Variants in PDE10A observed in about 807,000 individuals in gnomAD.
The protein encoded by PDE10A is phosphodiesterase 10A.
A neutral mutation model predicts 97.7 loss-of-function variants in PDE10A; 39 were observed. The observed-to-expected ratio is 0.40, with a 90% confidence interval of 0.31 to 0.52. The LOEUF is 0.52. Ranked by LOEUF, PDE10A falls within the 20% of genes least tolerant of loss-of-function variation. The pLI, the probability that PDE10A is intolerant of heterozygous loss-of-function variation, is 0.56. For synonymous variants in PDE10A, 371 were observed against 376.8 expected (o/e 0.98, Z 0.18); for missense variants, 731 against 1,047.8 (o/e 0.70, Z 4.17).
chr6:165,756,242 A>T (rs1793114564), intron 1 of PDE10A, among the ~76,000 whole-genome samples: 1 of 152,174 alleles, frequency 6.6e-6, no homozygotes, highest in Non-Finnish European at 1.5e-5. Flanking sequence ...GAGAAGATGG[A>T]GGTTTCCAGA....
rs147976630 is a variant in PDE10A, at chr6:165,857,321, T to C, written c.-615+130208A>G. Reference sequence around the variant, plus strand: ...ACTGGGACTTTCTTATAGCAAACCATGGCCTTTCAGCCACCTCTGCTGCCA... The same window carrying C: ...ACTGGGACTTTCTTATAGCAAACCACGGCCTTTCAGCCACCTCTGCTGCCA... On this transcript the variant is annotated intron_variant, in intron 1 of 19. Transcript: ENST00000366882. 7.2e-3 allele frequency among the ~76,000 whole-genome samples: 1,099 copies of C among 152,366 alleles called. 5 individuals carry two copies. Among genetic ancestry groups the C allele is most frequent in the African/African-American group, 0.025 (1,058 of 41,592 alleles).
chr6:165,531,062 T>C (rs1038647339), intron 2 of PDE10A, among the ~76,000 whole-genome samples: 1 of 151,940 alleles, frequency 6.6e-6, no homozygotes, highest in Non-Finnish European at 1.5e-5. Context: ...TCCTCTCCCT[T>C]CTATTTAATC....
At chr6:165,419,735 AACTTCAAC>A (rs1347906007) in intron 10 of PDE10A, among the ~76,000 whole-genome samples, 6 of 152,198 alleles carry the variant, frequency 3.9e-5, no homozygotes, top group Non-Finnish European at 7.3e-5. Context: ...GAATTCTGGT[AACTTCAAC>A]TATCCAGATC....
chr6:165,578,620 C>T (rs953036785), intron 1 of PDE10A, among the ~76,000 whole-genome samples: 3 of 151,450 alleles, frequency 2.0e-5, no homozygotes, highest in Middle Eastern at 3.4e-3. Flanking sequence ...AAAACCCACA[C>T]CTATACCTTA....
intron 18 of PDE10A, among the ~76,000 whole-genome samples, chr6:165,373,296 T>C (rs1372083292): frequency 6.6e-6 from 1 of 151,834 alleles, no homozygotes; most frequent in Non-Finnish European, 1.5e-5. Context: ...ACAGGCAACC[T>C]ACAAAATGGG....
At chr6:165,336,092 A>G (rs764450783) in intron 21 of PDE10A, 31 bp downstream of exon 21, 9 of 1,497,930 alleles carry the variant, frequency 6.0e-6, no homozygotes, top group Admixed American at 3.3e-5. Flanking sequence ...GTTGGAAACA[A>G]TATTTTTACG....
At chr6:165,689,541 T>C (rs1297119583) in intron 1 of PDE10A, among the ~76,000 whole-genome samples, 2 of 152,158 alleles carry the variant, frequency 1.3e-5, no homozygotes, top group East Asian at 3.9e-4. Flanking sequence ...TGGTGGTAAG[T>C]GAGTTCTCGT....
chr6:165,607,100 T>G (rs1378515472), intron 1 of PDE10A, among the ~76,000 whole-genome samples: 1 of 152,234 alleles, frequency 6.6e-6, no homozygotes, highest in Non-Finnish European at 1.5e-5. Flanking sequence ...AGAATACTTA[T>G]TTCACTTTTT....
intron 1 of PDE10A, among the ~76,000 whole-genome samples, chr6:165,893,698 A>G (rs1384687255): frequency 6.6e-6 from 1 of 152,180 alleles, no homozygotes; most frequent in Non-Finnish European, 1.5e-5. Context: ...ATATTCGTAT[A>G]TTCTCAAGTG....
intron 18 of PDE10A, among the ~76,000 whole-genome samples, chr6:165,375,721 C>T (rs1784566901): frequency 6.6e-6 from 1 of 152,194 alleles, no homozygotes; most frequent in Admixed American, 6.5e-5. Context: ...TGAGCTGACT[C>T]CTGTCAGGGG....
chr6:165,520,852 G>A (rs1407121601), intron 2 of PDE10A, among the ~76,000 whole-genome samples: 1 of 152,116 alleles, frequency 6.6e-6, no homozygotes, highest in Non-Finnish European at 1.5e-5. Flanking sequence ...ACAGACCAGT[G>A]AGAAAAGGAA....
chr6:165,415,983 T>C (rs924115713), intron 12 of PDE10A, among the ~76,000 whole-genome samples: 11 of 152,246 alleles, frequency 7.2e-5, no homozygotes, highest in Admixed American at 3.9e-4. Context: ...TATCTAGATA[T>C]CATGATACAT....
At chr6:165,928,147 A>G (rs1402078743) in intron 1 of PDE10A, among the ~76,000 whole-genome samples, 1 of 152,112 alleles carries the variant, frequency 6.6e-6, no homozygotes, top group East Asian at 1.9e-4. Context: ...TAAAGTAAGT[A>G]TGTTAAAGCC....
chr6:165,930,383 G>C (rs1268266503), intron 1 of PDE10A, among the ~76,000 whole-genome samples: 1 of 152,182 alleles, frequency 6.6e-6, no homozygotes, highest in Non-Finnish European at 1.5e-5. Context: ...CCAGCAGGCA[G>C]GAAGGAAACA....
Position 165,782,760 on chromosome 6 carries a change from C to T in PDE10A, c.-615+204769G>A, listed in dbSNP as rs183937166. Among the ~76,000 whole-genome samples, 51 of 152,310 alleles carry T rather than the reference C, an allele frequency of 3.3e-4. No individual in the cohort carries two copies. In the East Asian group the frequency reaches 8.1e-3, roughly 24 times the overall value. ...TCGTGTACCCAGGGACGTACTTACCCATCCAGCAGACAAGCCCTTGCAGAT... is the reference window on the plus strand; with the variant it reads ...TCGTGTACCCAGGGACGTACTTACCTATCCAGCAGACAAGCCCTTGCAGAT... On this transcript the variant is annotated intron_variant, in intron 1 of 19. Coordinates refer to the PDE10A transcript ENST00000366882.
chr6:165,447,977 C>A (rs565700840), intron 5 of PDE10A, among the ~76,000 whole-genome samples: 1 of 151,742 alleles, frequency 6.6e-6, no homozygotes, highest in Non-Finnish European at 1.5e-5. Flanking sequence ...CAACTATTTT[C>A]GCACTTTGCA....
chr6:165,644,009 G>C (rs1789268767), intron 1 of PDE10A, among the ~76,000 whole-genome samples: 1 of 152,152 alleles, frequency 6.6e-6, no homozygotes, highest in Admixed American at 6.5e-5. Flanking sequence ...AAGCTGAAAA[G>C]TACGACTGGC....
rs910884843 is a variant in PDE10A at position 165,629,727 on chromosome 6, T to C, written c.865+32220A>G. ...TTTTGTATTTTTTGTGGAGACAAGT[T>C]TTCACCATATTGCCCAGGCTGGTCT... On this transcript the variant is annotated intron_variant, in intron 1 of 21. Transcript: ENST00000539869. Among the ~76,000 whole-genome samples, 6 of 152,190 alleles carry C rather than the reference T, an allele frequency of 3.9e-5. No homozygotes were observed. The East Asian group carries it at 1.2e-3, about 30-fold the overall frequency.
At chr6:165,424,278 G>A (rs1042307120) in intron 10 of PDE10A, among the ~76,000 whole-genome samples, 1 of 152,146 alleles carries the variant, frequency 6.6e-6, no homozygotes, top group African/African-American at 2.4e-5. Flanking sequence ...TCATAGTTAT[G>A]TTGATATTTG....
Sources: gnomAD v4.1 joint callset for allele counts (sites outside exome capture counted in the v4.1 genomes callset) on GRCh38, gnomAD v4.1.1 for gene constraint, MANE v1.5 for transcripts, NCBI Gene and HGNC (gene_info 2026-07-23, HGNC 2026-07-21) for gene names.